The following ABHD17B variants were observed in gnomAD, a reference collection of about 807,000 sequenced individuals.
The protein encoded by ABHD17B is alpha/beta hydrolase domain-containing protein 17B.
A neutral mutation model predicts 26.2 loss-of-function variants in ABHD17B; 9 were observed. That is an observed-to-expected ratio of 0.34 (90% CI 0.21 to 0.60). The LOEUF (loss-of-function observed/expected upper bound fraction) is 0.60, where lower values mean the gene tolerates loss of function less well. Ranked by LOEUF, ABHD17B falls within the 20% of genes least tolerant of loss-of-function variation. ABHD17B has a pLI of 0.80. For synonymous variants in ABHD17B, 127 were observed against 122.3 expected (o/e 1.04, Z -0.25); for missense variants, 224 against 352.1 (o/e 0.64, Z 2.91).
Position 71,906,468 on chromosome 9 carries a change from G to C in ABHD17B, c.-4+4166C>G, listed in dbSNP as rs373615366. ...AATTACTACTATTTCTTTTAGCAGT[G>C]CTTCTTATATTTCAATGCGTATATG... On this transcript the variant is annotated intron_variant, in intron 1 of 3. Transcript: ENST00000333421. 9.5e-4 allele frequency among the ~76,000 whole-genome samples: 144 copies of C among 152,276 alleles called. 1 individual carries two copies. Among genetic ancestry groups the C allele is most frequent in the African/African-American group, 3.4e-3 (140 of 41,542 alleles).
At chr9:71,874,560 A>G (rs1166333434) in intron 2 of ABHD17B, 54 bp downstream of exon 2, 3 of 1,419,652 alleles carry the variant, frequency 2.1e-6, no homozygotes, top group African/African-American at 1.4e-5. Context: ...CTTACACAAG[A>G]TATTTTTAGC....
chr9:71,894,205 T>C (rs1459228202), intron 1 of ABHD17B, among the ~76,000 whole-genome samples: 1 of 150,432 alleles, frequency 6.6e-6, no homozygotes, highest in Non-Finnish European at 1.5e-5. Context: ...TATTTCACAA[T>C]ATAATGCACA....
At chr9:71,890,182 C>T (rs1317611415) in intron 1 of ABHD17B, among the ~76,000 whole-genome samples, 2 of 151,996 alleles carry the variant, frequency 1.3e-5, no homozygotes, top group East Asian at 3.9e-4. Flanking sequence ...CCCAGCTAGT[C>T]GGGAGGTTGA....
Position 71,887,677 on chromosome 9 carries a change from C to G in ABHD17B, c.-3-12594G>C, listed in dbSNP as rs113393385. On this transcript the variant is annotated intron_variant, in intron 1 of 3. Coordinates refer to ENST00000333421, the MANE Select transcript of ABHD17B (RefSeq NM_001025780.3). ...GAAAACCTTTGAAACCCAGACAATC[C>G]AGAACAAACAGTTCCATGCTTTAAA... Among the ~76,000 whole-genome samples the G allele has an allele frequency of 7.6e-3, 1,155 of 152,258 alleles. 16 individuals carry two copies. Among genetic ancestry groups the G allele is most frequent in the African/African-American group, 0.026 (1,082 of 41,536 alleles).
At chr9:71,871,970 A>T (rs1394741800) in intron 2 of ABHD17B, among the ~76,000 whole-genome samples, 1 of 152,240 alleles carries the variant, frequency 6.6e-6, no homozygotes, top group East Asian at 1.9e-4. Context: ...TCCAATGTTC[A>T]TTCATCCCAA....
At chr9:71,889,924 T>A (rs962714113) in intron 1 of ABHD17B, among the ~76,000 whole-genome samples, 11 of 151,960 alleles carry the variant, frequency 7.2e-5, no homozygotes, top group South Asian at 2.1e-4. Flanking sequence ...ACTCATTTTT[T>A]AAAAAAATCC....
intron 1 of ABHD17B, among the ~76,000 whole-genome samples, chr9:71,888,828 A>C (rs951322423): frequency 1.3e-5 from 2 of 152,178 alleles, no homozygotes; most frequent in Non-Finnish European, 2.9e-5. Context: ...ACCAAACAAC[A>C]ACAAAGGTTT....
chr9:71,864,731 C>T (rs1184544226), downstream of ABHD17B, among the ~76,000 whole-genome samples: 2 of 152,122 alleles, frequency 1.3e-5, no homozygotes, highest in Non-Finnish European at 2.9e-5. Flanking sequence ...GTTACAATAC[C>T]TTACAAATCT....
intron 1 of ABHD17B, among the ~76,000 whole-genome samples, chr9:71,905,982 G>A (rs1009579844): frequency 1.3e-5 from 2 of 152,122 alleles, no homozygotes; most frequent in East Asian, 1.9e-4. Flanking sequence ...GGCGGGGGTC[G>A]AGGGTTCAGT....
chr9:71,888,145 T>C (rs1024027480), intron 1 of ABHD17B, among the ~76,000 whole-genome samples: 3 of 152,230 alleles, frequency 2.0e-5, no homozygotes, highest in African/African-American at 4.8e-5. Flanking sequence ...TCCTAACAAG[T>C]GAACAAAGTC....
intron 1 of ABHD17B, among the ~76,000 whole-genome samples, chr9:71,885,732 A>T (rs1826588593): frequency 6.6e-6 from 1 of 152,198 alleles, no homozygotes; most frequent in Non-Finnish European, 1.5e-5. Flanking sequence ...GACCTACTGT[A>T]TCTCCTTCCT....
At chr9:71,909,748 C>A (rs758261458) in intron 1 of ABHD17B, among the ~76,000 whole-genome samples, 4 of 152,062 alleles carry the variant, frequency 2.6e-5, no homozygotes, top group Admixed American at 1.3e-4. Context: ...TAAAGGTCAC[C>A]CTCTGTATTC....
At chr9:71,878,260 T>C (rs1826338137) in intron 1 of ABHD17B, among the ~76,000 whole-genome samples, 1 of 152,002 alleles carries the variant, frequency 6.6e-6, no homozygotes, top group Non-Finnish European at 1.5e-5. Context: ...GAAAAACACA[T>C]CAGTGAGCTA....
intron 1 of ABHD17B, among the ~76,000 whole-genome samples, chr9:71,883,949 AAAGAG>A (rs2132162480): frequency 6.6e-6 from 1 of 152,124 alleles, no homozygotes; most frequent in Admixed American, 6.5e-5. Context: ...AAAAAAAAAG[AAAGAG>A]AAAAGATAAA....
rs751571748 is a variant in ABHD17B, at chr9:71,874,597, T to A, written c.467+17A>T. ...AACCACCACGAGTATGAAAAATAAA[T>A]TCCAACCACAATTTACCTTGTCCTA... On this transcript the variant is annotated intron_variant, in intron 2 of 3. Coordinates refer to ENST00000333421, the MANE Select transcript of ABHD17B (RefSeq NM_001025780.3). The A allele has an allele frequency of 4.4e-5, 68 of 1,530,950 alleles. No homozygotes were observed. Among genetic ancestry groups the A allele is most frequent in the Non-Finnish European group, 5.6e-5 (64 of 1,141,288 alleles). The allele number at this position is 1,530,950 out of a possible 1,614,324, so 94.8% of individuals were successfully genotyped here. A position where few individuals can be genotyped will look rare whatever the true frequency, so the allele number is the denominator to read the frequency against.
At chr9:71,890,030 G>A (rs546423744) in intron 1 of ABHD17B, among the ~76,000 whole-genome samples, 1 of 152,140 alleles carries the variant, frequency 6.6e-6, no homozygotes, top group African/African-American at 2.4e-5. Flanking sequence ...GGAAGCAGAG[G>A]CAGGTCGATC....
intron 1 of ABHD17B, among the ~76,000 whole-genome samples, chr9:71,895,928 G>T (rs941640221): frequency 1.3e-5 from 2 of 152,104 alleles, no homozygotes; most frequent in African/African-American, 4.8e-5. Context: ...GGGACAAAAG[G>T]TCCAAAATAT....
chr9:71,889,304 G>A (rs903022052), intron 1 of ABHD17B, among the ~76,000 whole-genome samples: 4 of 130,612 alleles, frequency 3.1e-5, no homozygotes, highest in Admixed American at 1.7e-4. Context: ...ACGACAGTGC[G>A]AGACTCCGTC....
intron 1 of ABHD17B, among the ~76,000 whole-genome samples, chr9:71,890,027 G>A (rs1426094525): frequency 6.6e-6 from 1 of 152,078 alleles, no homozygotes; most frequent in African/African-American, 2.4e-5. Flanking sequence ...TTAGGAAGCA[G>A]AGGCAGGTCG....
Sources: allele counts gnomAD v4.1 joint callset (sites outside exome capture counted in the v4.1 genomes callset), GRCh38; gene constraint gnomAD v4.1.1; transcripts MANE v1.5; gene names NCBI Gene and HGNC (gene_info 2026-07-23, HGNC 2026-07-21).